The following ERG variants were observed in gnomAD, a reference collection of about 807,000 sequenced individuals.
ERG encodes ETS transcription factor ERG.
In ERG, 9 loss-of-function variants were observed where a neutral mutation model predicts 55.3. That is an observed-to-expected ratio of 0.16 (90% CI 0.10 to 0.28). The LOEUF is 0.28. Among genes scored for constraint, ERG ranks in the 10% least tolerant of loss-of-function variants. ERG has a pLI of 1.00. For synonymous variants in ERG, 223 were observed against 237.3 expected (o/e 0.94, Z 0.55); for missense variants, 434 against 631.6 (o/e 0.69, Z 3.35).
chr21:38,383,362 C>A lies in ERG; in HGVS notation c.*41G>T. 2 of 1,453,882 alleles carry A rather than the reference C, an allele frequency of 1.4e-6. No individual in the cohort carries two copies. Among genetic ancestry groups the A allele is most frequent in the Non-Finnish European group, 9.1e-7 (1 of 1,099,298 alleles). The allele number at this position is 1,453,882 out of a possible 1,614,324, so 90.1% of individuals were successfully genotyped here. ...CTCCGATAGAGTTTGTGGCGATGGG[C>A]TGGTGAATGCACGCTGATGGGAAAA... On this transcript the variant is annotated 3_prime_UTR_variant, in exon 10 of 10. Coordinates refer to ENST00000288319, the MANE Select transcript of ERG (RefSeq NM_182918.4). The surrounding 1 kb of genome is among the most constrained non-coding windows in gnomAD (Gnocchi z 5.7).
intron 1 of ERG, among the ~76,000 whole-genome samples, chr21:38,660,360 C>A (rs1315941383): frequency 1.3e-5 from 2 of 152,156 alleles, no homozygotes; most frequent in East Asian, 3.9e-4. Context: ...CCCGCACTGG[C>A]GAGCCGTCCC....
At chr21:38,545,452 C>A (rs1039446044) in intron 2 of ERG, among the ~76,000 whole-genome samples, 1 of 152,194 alleles carries the variant, frequency 6.6e-6, no homozygotes. Flanking sequence ...GAGACAGACA[C>A]TGCCATGATT....
At chr21:38,485,940 T>A (rs1429498233) in intron 1 of ERG, among the ~76,000 whole-genome samples, 2 of 151,700 alleles carry the variant, frequency 1.3e-5, no homozygotes, top group Non-Finnish European at 2.9e-5. Context: ...TAATAATAAT[T>A]ATTATTATTT....
chr21:38,544,139 A>T (rs990319084), intron 2 of ERG, among the ~76,000 whole-genome samples: 1 of 152,214 alleles, frequency 6.6e-6, no homozygotes, highest in Non-Finnish European at 1.5e-5. Flanking sequence ...GATGGGTAGA[A>T]CATTCCGGAT....
At chr21:38,637,264 C>T (rs1281386238) in intron 1 of ERG, among the ~76,000 whole-genome samples, 1 of 152,122 alleles carries the variant, frequency 6.6e-6, no homozygotes, top group Non-Finnish European at 1.5e-5. Flanking sequence ...TCTGTTGAAA[C>T]TTGCCAGAGA....
At chr21:38,441,515 T>C (rs1192221777) in intron 2 of ERG, among the ~76,000 whole-genome samples, 1 of 152,096 alleles carries the variant, frequency 6.6e-6, no homozygotes, top group Non-Finnish European at 1.5e-5. Flanking sequence ...ATAAATATCT[T>C]AAAATGTAAA....
chr21:38,552,222 A>G (rs1015167964), intron 2 of ERG, among the ~76,000 whole-genome samples: 4 of 152,214 alleles, frequency 2.6e-5, no homozygotes, highest in African/African-American at 9.6e-5. Context: ...GCCCTAGACC[A>G]GAGAGATTCA....
chr21:38,512,349 C>T (rs2059518865), intron 2 of ERG, among the ~76,000 whole-genome samples: 2 of 152,206 alleles, frequency 1.3e-5, no homozygotes, highest in Admixed American at 1.3e-4. Flanking sequence ...AAAGCATTGA[C>T]ATTCGTGTAT....
intron 1 of ERG, among the ~76,000 whole-genome samples, chr21:38,448,158 CT>C (rs1194456393): frequency 6.6e-6 from 1 of 152,168 alleles, no homozygotes; most frequent in African/African-American, 2.4e-5. Context: ...GGAATCCATT[CT>C]CACATCTGGC....
rs950146488 is a variant in ERG, at chr21:38,445,610, T to G, written c.30A>C (p.Ser10=). 6.2e-7 allele frequency: 1 copy of G among 1,613,940 alleles called. No individual in the cohort carries two copies. MASTIKEAL[S]VVSEDQSLFE... is the part of the protein sequence containing the mutation. ...ACAACGACTGGTCCTCACTCACAAC[T>G]GATAAGGCTTCCTGAATGCCCAAAG... The change falls in exon 2 of 10, where the codon TCA becomes TCC. Residue 10 remains serine (S), a synonymous_variant. Transcript: ENST00000288319.
the ERG span, among the ~76,000 whole-genome samples, chr21:38,374,644 C>T: frequency 6.6e-6 from 1 of 152,152 alleles, no homozygotes; most frequent in Non-Finnish European, 1.5e-5. Context: ...CTATAACCAT[C>T]TTTAATATTT....
chr21:38,541,462 G>A (rs16996425), intron 2 of ERG, among the ~76,000 whole-genome samples: 13,926 of 152,152 alleles, frequency 0.092, 919 homozygotes, highest in African/African-American at 0.18. Flanking sequence ...GGGAGGGCTT[G>A]TTTTATGCCA....
chr21:38,529,631 A>G (rs1310470356), intron 2 of ERG, among the ~76,000 whole-genome samples: 2 of 152,176 alleles, frequency 1.3e-5, no homozygotes, highest in African/African-American at 4.8e-5. Context: ...AGAATAAAAT[A>G]TCTAATGTTC....
At chr21:38,643,648 A>C (rs1400538739) in intron 1 of ERG, among the ~76,000 whole-genome samples, 1 of 152,134 alleles carries the variant, frequency 6.6e-6, no homozygotes, top group Non-Finnish European at 1.5e-5. Flanking sequence ...CAACACTCAC[A>C]AGCTGCAAAG....
intron 1 of ERG, among the ~76,000 whole-genome samples, chr21:38,486,729 T>C (rs2059288914): frequency 6.6e-6 from 1 of 152,160 alleles, no homozygotes. Context: ...TTGTTATTAT[T>C]ATGAGATGAG....
intron 2 of ERG, among the ~76,000 whole-genome samples, chr21:38,541,041 G>T (rs960698486): frequency 1.4e-4 from 22 of 152,132 alleles, no homozygotes; most frequent in African/African-American, 5.3e-4. Flanking sequence ...TTCGTGTGCT[G>T]CAAATTTCAC....
intron 1 of ERG, among the ~76,000 whole-genome samples, chr21:38,476,168 C>T (rs1195711800): frequency 6.6e-6 from 1 of 152,150 alleles, no homozygotes; most frequent in African/African-American, 2.4e-5. Flanking sequence ...AAACAGAACT[C>T]CTCGCTGCTT....
At chr21:38,371,158 T>C in the ERG span, among the ~76,000 whole-genome samples, 2 of 152,072 alleles carry the variant, frequency 1.3e-5, no homozygotes, top group Admixed American at 1.3e-4. Flanking sequence ...AGGTATTACA[T>C]TTTTATGCTA....
At chr21:38,586,125 A>G (rs1173839923), upstream of ERG, among the ~76,000 whole-genome samples, 1 of 139,406 alleles carries the variant, frequency 7.2e-6, no homozygotes, top group Non-Finnish European at 1.6e-5. Flanking sequence ...TATTTTTTAA[A>G]CCAACTAATA....
Sources: gnomAD v4.1 joint callset for allele counts (sites outside exome capture counted in the v4.1 genomes callset) on GRCh38, gnomAD v4.1.1 for gene constraint, Gnocchi (gnomAD v3.1) non-coding constraint, MANE v1.5 for transcripts, NCBI Gene and HGNC (gene_info 2026-07-23, HGNC 2026-07-21) for gene names.